Variants in MED13L observed in about 807,000 individuals in gnomAD.
MED13L encodes the protein mediator complex subunit 13L, also known as mediator of RNA polymerase II transcription subunit 13-like.
A neutral mutation model predicts 220.9 loss-of-function variants in MED13L; 7 were observed. The observed-to-expected ratio is 0.03, with a 90% CI of 0.02 to 0.06. The LOEUF (loss-of-function observed/expected upper bound fraction) is 0.06, where lower values mean the gene tolerates loss of function less well. Among genes scored for constraint, MED13L ranks in the 10% least tolerant of loss-of-function variants. The pLI is 1.00. For synonymous variants in MED13L, 1,011 were observed against 1,015.2 expected, an observed-to-expected ratio of 1.00 and a Z score of 0.08; for missense variants, 1,965 against 2,760.5, an observed-to-expected ratio of 0.71 and a Z score of 6.46.
intron 2 of MED13L, among the ~76,000 whole-genome samples, chr12:116,173,835 A>G (rs1879861816): frequency 6.6e-6 from 1 of 152,226 alleles, no homozygotes. Context: ...CAGTGCAAAC[A>G]TGTATGTTAA....
Position 115,996,603 on chromosome 12 carries a change from G to A in MED13L, c.2869C>T (p.Pro957Ser), listed in dbSNP as rs760007817. 1 of 1,614,070 alleles carries A rather than the reference G, an allele frequency of 6.2e-7. No homozygotes were observed. Among genetic ancestry groups the A allele is most frequent in the South Asian group, 1.1e-5 (1 of 91,074 alleles). The change falls in exon 16 of 31, where the codon CCG (proline) becomes TCG (serine). Residue 957 changes from proline (P) to serine (S), a missense_variant. Pro to Ser is a moderately conservative substitution (Grantham distance 74). Around this residue, in one of 10 missense-constraint regions of MED13L, gnomAD observed 233 missense variants for 306.2 expected, o/e 0.76. Coordinates refer to ENST00000281928, the MANE Select transcript of MED13L (RefSeq NM_015335.5). ...SSMFAPLKML[P>S]SHCLLPLKIP... ...TTCAGAGGTAGCAAACAATGGCTCG[G>A]CAACATCTTCAGTGGAGCAAACATG...
intron 5 of MED13L, among the ~76,000 whole-genome samples, chr12:116,021,799 A>C (rs552560139): frequency 3.3e-5 from 5 of 152,208 alleles, no homozygotes; most frequent in Admixed American, 6.5e-5. Flanking sequence ...ACTCACAGAA[A>C]ATTCTGAATT....
chr12:116,009,812 C>T (rs546357849), intron 9 of MED13L, among the ~76,000 whole-genome samples: 3 of 152,082 alleles, frequency 2.0e-5, no homozygotes, highest in African/African-American at 4.8e-5. Flanking sequence ...AAAACCAAGT[C>T]GGCTCACATC....
At chr12:116,024,031 A>T (rs924374866) in intron 4 of MED13L, among the ~76,000 whole-genome samples, 2 of 152,182 alleles carry the variant, frequency 1.3e-5, no homozygotes, top group Admixed American at 1.3e-4. Context: ...TCAGCTGTAA[A>T]TTTCAGCTAA....
chr12:115,984,755 A>G (rs913381269), intron 19 of MED13L, among the ~76,000 whole-genome samples: 1 of 152,192 alleles, frequency 6.6e-6, no homozygotes, highest in Non-Finnish European at 1.5e-5. Context: ...ATCCCTACTC[A>G]TAATATTTTC....
At chr12:116,130,369 C>A (rs185862470) in intron 2 of MED13L, among the ~76,000 whole-genome samples, 5 of 152,126 alleles carry the variant, frequency 3.3e-5, no homozygotes, top group Non-Finnish European at 5.9e-5. Context: ...CACAGCCACC[C>A]GCTAGGAGGG....
chr12:116,045,669 A>G (rs1163059297), intron 4 of MED13L, among the ~76,000 whole-genome samples: 1 of 152,194 alleles, frequency 6.6e-6, no homozygotes, highest in Non-Finnish European at 1.5e-5. Flanking sequence ...CAACATTAAC[A>G]TAACAAATTT....
rs751814184 is a variant in MED13L at position 116,008,749 on chromosome 12, A to C, written c.1664T>G (p.Leu555Arg). 6.2e-7 allele frequency: 1 copy of C among 1,613,970 alleles called. No individual in the cohort carries two copies. Among genetic ancestry groups the C allele is most frequent in the Non-Finnish European group, 8.5e-7 (1 of 1,179,986 alleles). Residue 555 changes from leucine to arginine, a missense_variant, in exon 10 of 31, where the codon CTG (leucine) becomes CGG (arginine). Coordinates refer to ENST00000281928, the MANE Select transcript of MED13L (RefSeq NM_015335.5). ...TGGCTGAGGGCTGAGTGTTGGTGGC[A>C]GAGGGGATATAGGGGAATGAGGTGA... Reference protein sequence around the residue: ...MDSPHSPISPLPPTLSPQPRG... With the variant: ...MDSPHSPISPRPPTLSPQPRG...
chr12:116,108,335 G>A lies in MED13L; in HGVS notation c.395+3093C>T, dbSNP rs543095299. The stretch of plus-strand genomic sequence containing the variant: ...CCTGTGTCTCATCGGAAGAACTGTC[G>A]TGGGCCACACATAAAATAGACTCTA... On this transcript the variant is annotated intron_variant, in intron 3 of 30. Coordinates refer to ENST00000281928, the MANE Select transcript of MED13L (RefSeq NM_015335.5). Among the ~76,000 whole-genome samples, 15 of 141,180 alleles carry A rather than the reference G, an allele frequency of 1.1e-4. 4 individuals carry two copies. The highest frequency in any genetic ancestry group is 2.4e-4 in the African/African-American group (9 of 38,060). 92.6% of individuals were successfully genotyped at this position (141,180 alleles called of 152,430 possible).
intron 1 of MED13L, among the ~76,000 whole-genome samples, chr12:116,247,122 A>G (rs1288818363): frequency 6.6e-6 from 1 of 152,106 alleles, no homozygotes; most frequent in Non-Finnish European, 1.5e-5. Context: ...AAAGAGGGTG[A>G]GTGTTTGCTT....
intron 2 of MED13L, among the ~76,000 whole-genome samples, chr12:116,145,163 T>C (rs1005883749): frequency 1.3e-5 from 2 of 152,188 alleles, no homozygotes; most frequent in Non-Finnish European, 2.9e-5. Context: ...CTACCATCTA[T>C]TGTTTGATAA....
intron 2 of MED13L, among the ~76,000 whole-genome samples, chr12:116,158,581 T>C (rs916245580): frequency 2.6e-5 from 4 of 152,154 alleles, no homozygotes; most frequent in African/African-American, 9.7e-5. Flanking sequence ...AAACAGAGTA[T>C]ATGATGCACT....
intron 2 of MED13L, among the ~76,000 whole-genome samples, chr12:116,192,519 A>C (rs545836211): frequency 6.6e-6 from 1 of 152,210 alleles, no homozygotes; most frequent in African/African-American, 2.4e-5. Context: ...TAAAGGTTTT[A>C]TTCTCTGTAA....
chr12:116,006,958 A>G lies in MED13L; in HGVS notation c.2238+453T>C, dbSNP rs184079764. On this transcript the variant is annotated intron_variant, in intron 11 of 30. Coordinates refer to ENST00000281928, the MANE Select transcript of MED13L (RefSeq NM_015335.5). The stretch of plus-strand genomic sequence containing the variant: ...TGAAACCAGTAAAATTAATACTGAT[A>G]GTCTATGGGTAGAGTTGATATTAAC... 643 of 209,502 alleles carry G rather than the reference A, an allele frequency of 3.1e-3. 3 individuals carry two copies. Among genetic ancestry groups the G allele is most frequent in the African/African-American group, 0.014 (617 of 43,072 alleles). 13.0% of individuals were successfully genotyped at this position (209,502 alleles called of 1,614,324 possible). A position where few individuals can be genotyped will look rare whatever the true frequency, so the allele number is the denominator to read the frequency against.
chr12:116,013,712 C>T (rs930924168), intron 8 of MED13L, among the ~76,000 whole-genome samples: 24 of 152,312 alleles, frequency 1.6e-4, no homozygotes, highest in South Asian at 1.4e-3. Flanking sequence ...AAGCAGATCG[C>T]TTTATTATAC....
Position 115,975,686 on chromosome 12 carries a change from T to C in MED13L, c.5417A>G (p.Lys1806Arg). The stretch of plus-strand genomic sequence containing the variant: ...CTCTCCCAGCTCTGTCTGCTTGTCT[T>C]TGATTGGGGCCAATATAAAGGGAGG... ...YSPPFILAPI[K>R]DKQTELGETF... Residue 1806 changes from lysine to arginine, a missense_variant, in exon 24 of 31, where the codon AAA (lysine) becomes AGA (arginine). Lys to Arg is a conservative substitution (Grantham distance 26). Around this residue, in one of 10 missense-constraint regions of MED13L, gnomAD observed 510 missense variants for 620.4 expected, o/e 0.82. Transcript: ENST00000281928. 2 of 1,614,032 alleles carry C rather than the reference T, an allele frequency of 1.2e-6. No homozygotes were observed. Among genetic ancestry groups the C allele is most frequent in the South Asian group, 1.1e-5 (1 of 91,078 alleles).
At chr12:116,214,676 G>C (rs975693553) in intron 2 of MED13L, among the ~76,000 whole-genome samples, 1 of 152,034 alleles carries the variant, frequency 6.6e-6, no homozygotes, top group African/African-American at 2.4e-5. Flanking sequence ...TCAGACAGGG[G>C]TAAGAATGAC....
chr12:116,185,843 A>G (rs2138243930), intron 2 of MED13L, among the ~76,000 whole-genome samples: 1 of 152,044 alleles, frequency 6.6e-6, no homozygotes, highest in South Asian at 2.1e-4. Context: ...ACAAGCATGC[A>G]CCACCATGCC....
In MED13L at chr12:115,984,177, T is replaced by C; in HGVS notation, c.4531+3A>G. 6.2e-7 allele frequency: 1 copy of C among 1,613,600 alleles called. No homozygotes were observed. The highest frequency in any genetic ancestry group is 2.2e-5 in the East Asian group (1 of 44,844). ...CTACTTTGCCAAATAAATTCCCATTTACCTAGGTGATGGCGGCAAACTTGC... is the reference window on the plus strand; with the variant it reads ...CTACTTTGCCAAATAAATTCCCATTCACCTAGGTGATGGCGGCAAACTTGC... On this transcript the variant is annotated splice_donor_region_variant and intron_variant, in intron 20 of 30. Transcript: ENST00000281928.
Sources: allele counts gnomAD v4.1 joint callset (sites outside exome capture counted in the v4.1 genomes callset), GRCh38; gene constraint gnomAD v4.1.1; regional missense constraint gnomAD v4.1.1; transcripts MANE v1.5; gene names NCBI Gene and HGNC (gene_info 2026-07-23, HGNC 2026-07-21).